The following ARHGEF28 variants were observed in gnomAD, a reference collection of about 807,000 sequenced individuals.
The protein encoded by ARHGEF28 is 190 kDa guanine nucleotide exchange factor.
ARHGEF28 carries 152 observed loss-of-function variants against 206.6 expected under a neutral mutation model. The ratio of observed to expected loss-of-function variants is 0.74; its 90% CI spans 0.64 to 0.84. The LOEUF is 0.84. Among genes scored for constraint, ARHGEF28 ranks in the 40% least tolerant of loss-of-function variants. ARHGEF28 has a pLI of 0.00. For missense variants in ARHGEF28, 2,028 were observed against 2,073.2 expected (o/e 0.98, Z 0.42); for synonymous variants, 763 against 776.4 (o/e 0.98, Z 0.29).
chr5:73,940,630 C>T (rs1050448071), intron 35 of ARHGEF28, among the ~76,000 whole-genome samples: 2 of 152,202 alleles, frequency 1.3e-5, no homozygotes, highest in Non-Finnish European at 2.9e-5. Flanking sequence ...CATATTTAGT[C>T]ACAGGAGACA....
At chr5:73,740,318 T>C (rs914439204) in intron 2 of ARHGEF28, among the ~76,000 whole-genome samples, 1 of 152,210 alleles carries the variant, frequency 6.6e-6, no homozygotes, top group African/African-American at 2.4e-5. Context: ...ATATTATAGA[T>C]TCTAGACACT....
chr5:73,779,549 A>G (rs1753717028), intron 6 of ARHGEF28, among the ~76,000 whole-genome samples: 1 of 152,052 alleles, frequency 6.6e-6, no homozygotes, highest in South Asian at 2.1e-4. Context: ...CACTCTCTTC[A>G]TTGAAAGACG....
intron 3 of ARHGEF28, among the ~76,000 whole-genome samples, chr5:73,750,473 C>A (rs900972591): frequency 1.3e-5 from 2 of 151,988 alleles, no homozygotes; most frequent in African/African-American, 4.8e-5. Flanking sequence ...CCTTGATGCC[C>A]TGTCCATCCA....
intron 4 of ARHGEF28, among the ~76,000 whole-genome samples, chr5:73,758,892 C>T (rs930196717): frequency 6.6e-6 from 1 of 152,188 alleles, no homozygotes; most frequent in East Asian, 1.9e-4. Context: ...TTTAACAAAA[C>T]AAAGTATTAC....
At chr5:73,938,201 A>ACACAC (rs1561211238) in intron 35 of ARHGEF28, among the ~76,000 whole-genome samples, 13 of 34,262 alleles carry the variant, frequency 3.8e-4, no homozygotes, top group South Asian at 1.1e-3. Context: ...CACACACACA[A>ACACAC]CTCCCCATCC....
At chr5:73,841,019 C>T (rs1757956271) in intron 11 of ARHGEF28, among the ~76,000 whole-genome samples, 1 of 152,116 alleles carries the variant, frequency 6.6e-6, no homozygotes, top group African/African-American at 2.4e-5. Flanking sequence ...TCTAACAATC[C>T]CATGTTTTGG....
chr5:73,781,302 C>G (rs1753831898), intron 7 of ARHGEF28, among the ~76,000 whole-genome samples: 1 of 152,130 alleles, frequency 6.6e-6, no homozygotes, highest in African/African-American at 2.4e-5. Context: ...GATGGTGATT[C>G]AGAGACGGCA....
At chr5:73,821,691 C>A (rs1279408181) in intron 9 of ARHGEF28, among the ~76,000 whole-genome samples, 2 of 151,890 alleles carry the variant, frequency 1.3e-5, no homozygotes, top group African/African-American at 2.4e-5. Flanking sequence ...CTTCCCCTCT[C>A]GGTTTGCCAA....
At chr5:73,832,501 C>A in intron 10 of ARHGEF28, 42 bp downstream of exon 10, 1 of 1,594,412 alleles carries the variant, frequency 6.3e-7, no homozygotes, top group South Asian at 1.1e-5. Context: ...CTACCTCTCT[C>A]CAAAACCTGG....
chr5:73,756,904 A>G (rs1260220298), intron 4 of ARHGEF28, among the ~76,000 whole-genome samples: 3 of 152,200 alleles, frequency 2.0e-5, no homozygotes, highest in Non-Finnish European at 4.4e-5. Context: ...ATAGTTGGGA[A>G]TAAACAAGAG....
intron 7 of ARHGEF28, among the ~76,000 whole-genome samples, chr5:73,784,043 T>C (rs1467638741): frequency 6.6e-6 from 1 of 152,122 alleles, no homozygotes; most frequent in Admixed American, 6.5e-5. Context: ...AGTGGAAACA[T>C]TCAATTAGTT....
intron 21 of ARHGEF28, among the ~76,000 whole-genome samples, chr5:73,870,956 G>A (rs1455996976): frequency 6.6e-6 from 1 of 152,190 alleles, no homozygotes; most frequent in African/African-American, 2.4e-5. Context: ...CACGGGCAGT[G>A]AGGATACCTT....
intron 13 of ARHGEF28, 161 bp downstream of exon 13, chr5:73,849,248 A>G (rs2112594205): frequency 3.6e-6 from 2 of 563,108 alleles, no homozygotes; most frequent in Middle Eastern, 4.4e-4. Context: ...TTCTTATTGG[A>G]TAACAGCCAA....
At chr5:73,740,402 C>T (rs1449503739) in intron 2 of ARHGEF28, among the ~76,000 whole-genome samples, 1 of 152,088 alleles carries the variant, frequency 6.6e-6, no homozygotes, top group East Asian at 1.9e-4. Context: ...GAAAAACAAA[C>T]AAAACACACC....
chr5:73,834,644 A>G (rs1757505395), intron 10 of ARHGEF28, among the ~76,000 whole-genome samples: 1 of 152,034 alleles, frequency 6.6e-6, no homozygotes, highest in African/African-American at 2.4e-5. Flanking sequence ...ATCCATATGC[A>G]AAGGTGATCC....
intron 11 of ARHGEF28, among the ~76,000 whole-genome samples, chr5:73,843,748 A>G (rs1758131449): frequency 6.6e-6 from 1 of 152,204 alleles, no homozygotes; most frequent in Admixed American, 6.5e-5. Flanking sequence ...CTGTTTTGAG[A>G]AGCCACAAAG....
intron 7 of ARHGEF28, among the ~76,000 whole-genome samples, chr5:73,792,961 A>G (rs932013266): frequency 1.1e-4 from 16 of 152,150 alleles, no homozygotes; most frequent in African/African-American, 3.9e-4. Context: ...TGTGCATTTA[A>G]AGGCCGGCAG....
At chr5:73,703,578 G>A (rs1351201931) in intron 2 of ARHGEF28, among the ~76,000 whole-genome samples, 2 of 151,906 alleles carry the variant, frequency 1.3e-5, no homozygotes, top group Admixed American at 6.6e-5. Context: ...GACTTTGCCT[G>A]CTTTCCTCTC....
chr5:73,824,339 C>T (rs535411957), intron 9 of ARHGEF28, among the ~76,000 whole-genome samples: 1 of 152,192 alleles, frequency 6.6e-6, no homozygotes, highest in South Asian at 2.1e-4. Context: ...ATAAAACTCT[C>T]ATTCCCAGAG....
Sources: allele counts gnomAD v4.1 joint callset (sites outside exome capture counted in the v4.1 genomes callset), GRCh38; gene constraint gnomAD v4.1.1; transcripts MANE v1.5; gene names NCBI Gene and HGNC (gene_info 2026-07-23, HGNC 2026-07-21).